IQSEC1: variants seen among roughly 807,000 people sequenced by gnomAD.
IQSEC1 encodes the protein IQ motif and Sec7 domain ArfGEF 1.
A neutral mutation model predicts 91.0 loss-of-function variants in IQSEC1; 31 were observed. The observed-to-expected ratio is 0.34, with a 90% CI of 0.26 to 0.46. IQSEC1 has a LOEUF of 0.46. Ranked by LOEUF, IQSEC1 falls within the 20% of genes least tolerant of loss-of-function variation. The pLI is 1.00. For missense variants in IQSEC1, 1,388 were observed against 1,575.6 expected (o/e 0.88, Z 2.02); for synonymous variants, 699 against 662.6 (o/e 1.05, Z -0.84).
At chr3:13,178,096 G>A (rs372913575) in intron 1 of IQSEC1, among the ~76,000 whole-genome samples, 4 of 152,216 alleles carry the variant, frequency 2.6e-5, no homozygotes, top group African/African-American at 4.8e-5. Context: ...GTCACAAGTC[G>A]TGAGGAAACA....
Position 12,967,540 on chromosome 3 carries a change from C to T in IQSEC1, c.24-25675G>A. ...CTCCCGCCAGCGAGCCGCCGGATCC[C>T]GGGGCCGACACCCGGCCACCCGGAG... On this transcript the variant is annotated intron_variant, in intron 1 of 13. Transcript: ENST00000613206. This position sits in a 1 kb window ranked among gnomAD's most constrained non-coding sequence, Gnocchi z 5.9. 1 of 1,377,530 alleles carries T rather than the reference C, an allele frequency of 7.3e-7. No homozygotes were observed. The highest frequency in any genetic ancestry group is 2.7e-4 in the Middle Eastern group (1 of 3,764). 85.3% of individuals were successfully genotyped at this position (1,377,530 alleles called of 1,614,324 possible).
intron 9 of IQSEC1, 45 bp from the exon 10 acceptor site, chr3:12,911,773 G>A (rs1171651179): frequency 3.8e-6 from 5 of 1,327,540 alleles, no homozygotes; most frequent in Non-Finnish European, 5.4e-6. Flanking sequence ...GTCTCGGGGG[G>A]CACTGACTAT....
intron 9 of IQSEC1, among the ~76,000 whole-genome samples, chr3:12,912,670 CAAAAAAAAA>C (rs561314162): frequency 3.7e-5 from 2 of 54,028 alleles, no homozygotes; most frequent in Non-Finnish European, 3.7e-5. Flanking sequence ...GACTCCGTCT[CAAAAAAAAA>C]AAAAAAAAAA....
intron 2 of IQSEC1, among the ~76,000 whole-genome samples, chr3:13,101,038 G>A (rs1576250187): frequency 8.2e-6 from 1 of 122,586 alleles, no homozygotes; most frequent in Admixed American, 7.7e-5. Context: ...GAGCTGCAAG[G>A]GGGCCGAGAG....
At chr3:12,966,895 T>C (rs1700607075) in intron 1 of IQSEC1, among the ~76,000 whole-genome samples, 1 of 152,134 alleles carries the variant, frequency 6.6e-6, no homozygotes, top group African/African-American at 2.4e-5. Flanking sequence ...ATGTCTGGAA[T>C]AGACAGGCCT....
At chr3:13,024,713 A>G (rs1310147017) in intron 1 of IQSEC1, among the ~76,000 whole-genome samples, 1 of 149,974 alleles carries the variant, frequency 6.7e-6, no homozygotes, top group African/African-American at 2.5e-5. Context: ...CTGTCCATCC[A>G]CCCACCCATC....
At chr3:13,003,765 C>T (rs1702523502) in intron 1 of IQSEC1, among the ~76,000 whole-genome samples, 1 of 152,144 alleles carries the variant, frequency 6.6e-6, no homozygotes, top group Non-Finnish European at 1.5e-5. Context: ...TATTTTAGAT[C>T]CTAGTATCAT....
At chr3:12,965,936 G>A (rs184785996) in intron 1 of IQSEC1, among the ~76,000 whole-genome samples, 29 of 152,350 alleles carry the variant, frequency 1.9e-4, no homozygotes, top group Admixed American at 1.3e-3. Flanking sequence ...GCCTAGAGCA[G>A]GGACTGGTAC....
intron 1 of IQSEC1, among the ~76,000 whole-genome samples, chr3:12,974,562 T>TATA (rs1196594150): frequency 6.6e-6 from 1 of 152,182 alleles, no homozygotes; most frequent in African/African-American, 2.4e-5. Flanking sequence ...TGGGTCTCTA[T>TATA]TCAAGTGGAA....
chr3:13,035,734 G>C (rs567084857), intron 1 of IQSEC1, among the ~76,000 whole-genome samples: 1 of 152,330 alleles, frequency 6.6e-6, no homozygotes, highest in South Asian at 2.1e-4. Flanking sequence ...TAGAGTTTAA[G>C]TCCTTCACCA....
At chr3:13,022,249 A>C in intron 1 of IQSEC1, 1 of 1,222,314 alleles carries the variant, frequency 8.2e-7, no homozygotes. Flanking sequence ...AAAGCCCCCA[A>C]AGTTAGGGAA....
rs1182276932 is a variant in IQSEC1, at chr3:13,256,782, A to G, written c.272+25929T>C. ...CTGGAGGACCCGTCAGGTGGCAAACACCATGGAGAGACGCAAAGCACGAGA... is the reference window on the plus strand; with the variant it reads ...CTGGAGGACCCGTCAGGTGGCAAACGCCATGGAGAGACGCAAAGCACGAGA... On this transcript the variant is annotated intron_variant, in intron 1 of 15. Coordinates refer to the IQSEC1 transcript ENST00000648114. Among the ~76,000 whole-genome samples the G allele has an allele frequency of 2.0e-5, 3 of 152,192 alleles. No homozygotes were observed. The East Asian group carries it at 5.8e-4, about 29-fold the overall frequency.
chr3:12,909,525 A>G lies in IQSEC1; in HGVS notation c.2417-91T>C. 7.6e-7 allele frequency: 1 copy of G among 1,321,516 alleles called. No homozygotes were observed. The highest frequency in any genetic ancestry group is 1.5e-5 in the African/African-American group (1 of 68,502). The allele number at this position is 1,321,516 out of a possible 1,614,324, so 81.9% of individuals were successfully genotyped here. On this transcript the variant is annotated intron_variant, in intron 10 of 13. Coordinates refer to ENST00000613206, the MANE Select transcript of IQSEC1 (RefSeq NM_001134382.3). This position sits in a 1 kb window ranked among gnomAD's most constrained non-coding sequence, Gnocchi z 4.9. ...TGGTCAGGAAACAATGGTAGGGCTG[A>G]GTTGTGCGTGAGCCTGGGATAAGTG...
At chr3:13,065,428 T>G (rs1705199775) in intron 1 of IQSEC1, among the ~76,000 whole-genome samples, 1 of 152,236 alleles carries the variant, frequency 6.6e-6, no homozygotes, top group Admixed American at 6.5e-5. Flanking sequence ...ATCTCTCAGT[T>G]ATATGACTAT....
intron 2 of IQSEC1, 89 bp downstream of exon 2, chr3:12,941,482 G>T: frequency 1.5e-6 from 2 of 1,317,114 alleles, no homozygotes; most frequent in Non-Finnish European, 1.0e-6. Flanking sequence ...CTATGGGAGA[G>T]ATCTGCCACC....
intron 8 of IQSEC1, 32 bp from the exon 9 acceptor site, chr3:12,913,585 G>A (rs375609571): frequency 1.4e-5 from 22 of 1,586,152 alleles, no homozygotes; most frequent in Admixed American, 3.4e-5. Flanking sequence ...TGCCACGGCC[G>A]CCCAGCTCTC....
At chr3:13,101,870 C>T (rs1057389036) in intron 2 of IQSEC1, among the ~76,000 whole-genome samples, 1 of 151,592 alleles carries the variant, frequency 6.6e-6, no homozygotes, top group African/African-American at 2.4e-5. Flanking sequence ...TAACACTGGC[C>T]TCCTTCCCCA....
intron 12 of IQSEC1, among the ~76,000 whole-genome samples, chr3:12,907,245 G>A (rs1354058553): frequency 6.6e-6 from 1 of 152,098 alleles, no homozygotes. Flanking sequence ...CGAAAACAAA[G>A]GAAAAAATCC....
chr3:13,188,606 A>G (rs548046413), intron 1 of IQSEC1, among the ~76,000 whole-genome samples: 14 of 152,348 alleles, frequency 9.2e-5, no homozygotes, highest in African/African-American at 3.4e-4. Flanking sequence ...GCTTTGAACC[A>G]TGCTCACTGG....
Sources: allele counts gnomAD v4.1 joint callset (sites outside exome capture counted in the v4.1 genomes callset), GRCh38; gene constraint gnomAD v4.1.1; non-coding constraint Gnocchi (gnomAD v3.1); transcripts MANE v1.5; gene names NCBI Gene and HGNC (gene_info 2026-07-23, HGNC 2026-07-21).